CDS1: variants seen among roughly 807,000 people sequenced by gnomAD.
CDS1 encodes phosphatidate cytidylyltransferase 1.
CDS1 carries 41 observed loss-of-function variants against 62.1 expected under a neutral mutation model. That is an observed-to-expected ratio of 0.66 (90% CI 0.51 to 0.86). CDS1 has a LOEUF of 0.86. Among genes scored for constraint, CDS1 ranks in the 40% least tolerant of loss-of-function variants. The pLI is 0.00. For missense variants in CDS1, 470 were observed against 550.1 expected, an observed-to-expected ratio of 0.85 and a Z score of 1.46; for synonymous variants, 185 against 192.6, an observed-to-expected ratio of 0.96 and a Z score of 0.32.
At chr4:84,625,673 T>C (rs17376090) in intron 5 of CDS1, among the ~76,000 whole-genome samples, 5,617 of 152,016 alleles carry the variant, frequency 0.037, 116 homozygotes, top group South Asian at 0.052. Context: ...CTGTATGTCA[T>C]GGGAAAGGTT....
rs1000549971 is a variant in CDS1 at position 84,640,404 on chromosome 4, C to T, written c.880-434C>T. 5.3e-5 allele frequency among the ~76,000 whole-genome samples: 8 copies of T among 151,820 alleles called. No individual in the cohort carries two copies. The East Asian group carries it at 1.4e-3, about 26-fold the overall frequency. On this transcript the variant is annotated intron_variant, in intron 9 of 12. Coordinates refer to ENST00000295887, the MANE Select transcript of CDS1 (RefSeq NM_001263.4). ...AGTTTTAAAAATTGCAATGGTGTGG[C>T]CAGGGAAAGAATAATTTAGTCAAAG... is the stretch of plus-strand genomic sequence containing the variant.
rs928464126 is a variant in CDS1 at position 84,586,636 on chromosome 4, G to A, written c.117+3118G>A. On this transcript the variant is annotated intron_variant, in intron 1 of 12. Transcript: ENST00000295887. Reference sequence around the variant, plus strand: ...CTGCTCTGCAGCCGGGTTCCCAACAGGCCCAGTTCCTAACAGGCCGGTACT... The same window carrying A: ...CTGCTCTGCAGCCGGGTTCCCAACAAGCCCAGTTCCTAACAGGCCGGTACT... Among the ~76,000 whole-genome samples, 15 of 152,344 alleles carry A rather than the reference G, an allele frequency of 9.8e-5. No homozygotes were observed. In the South Asian group the frequency reaches 1.2e-3, roughly 13 times the overall value.
At chr4:84,602,736 C>T (rs1478853491) in intron 1 of CDS1, among the ~76,000 whole-genome samples, 1 of 152,128 alleles carries the variant, frequency 6.6e-6, no homozygotes, top group African/African-American at 2.4e-5. Flanking sequence ...TTCTAGATGT[C>T]CAAGCTCTGT....
chr4:84,602,419 A>C (rs1722965195), intron 1 of CDS1, among the ~76,000 whole-genome samples: 1 of 152,182 alleles, frequency 6.6e-6, no homozygotes, highest in African/African-American at 2.4e-5. Flanking sequence ...TGAGGAGCAC[A>C]ATTTGAATGC....
At chr4:84,610,373 G>A (rs1723281043) in intron 3 of CDS1, among the ~76,000 whole-genome samples, 1 of 152,266 alleles carries the variant, frequency 6.6e-6, no homozygotes, top group South Asian at 2.1e-4. Flanking sequence ...ACATGTAGAG[G>A]GTGTCTATAT....
chr4:84,619,281 C>A, intron 4 of CDS1, 113 bp from the exon 5 acceptor site: 1 of 506,796 alleles, frequency 2.0e-6, no homozygotes, highest in Non-Finnish European at 3.3e-6. Context: ...TTGAATTGGT[C>A]TTCTGAACTT....
chr4:84,599,424 A>G (rs1295341890), intron 1 of CDS1, among the ~76,000 whole-genome samples: 2 of 20,626 alleles, frequency 9.7e-5, no homozygotes, highest in Non-Finnish European at 1.2e-4. Context: ...ATATATATAT[A>G]TATATATATA....
At chr4:84,639,661 C>G (rs182846589) in intron 9 of CDS1, among the ~76,000 whole-genome samples, 9 of 152,172 alleles carry the variant, frequency 5.9e-5, no homozygotes, top group Admixed American at 1.3e-4. Context: ...TTTACTTTTC[C>G]TAGTTTCTGA....
intron 3 of CDS1, among the ~76,000 whole-genome samples, chr4:84,610,771 T>C (rs1383817672): frequency 1.3e-5 from 2 of 152,112 alleles, no homozygotes; most frequent in African/African-American, 4.8e-5. Flanking sequence ...CGGTATTCAG[T>C]AAAGTAACAT....
intron 1 of CDS1, among the ~76,000 whole-genome samples, chr4:84,597,569 G>A (rs1053400775): frequency 5.3e-5 from 8 of 152,108 alleles, no homozygotes; most frequent in African/African-American, 1.7e-4. Flanking sequence ...AGCCTGGGAC[G>A]GTGAGGCTGT....
intron 5 of CDS1, among the ~76,000 whole-genome samples, chr4:84,622,664 C>G (rs1195141155): frequency 6.6e-6 from 1 of 152,136 alleles, no homozygotes; most frequent in African/African-American, 2.4e-5. Flanking sequence ...TCATTAATAT[C>G]TGCACATTAG....
intron 3 of CDS1, among the ~76,000 whole-genome samples, chr4:84,610,023 A>G (rs1723269039): frequency 3.3e-5 from 5 of 152,200 alleles, no homozygotes; most frequent in Admixed American, 6.5e-5. Flanking sequence ...AAAAAAAAAA[A>G]TGACAGAAAT....
At chr4:84,625,183 C>T (rs914108823) in intron 5 of CDS1, among the ~76,000 whole-genome samples, 1 of 152,058 alleles carries the variant, frequency 6.6e-6, no homozygotes, top group African/African-American at 2.4e-5. Context: ...ATTTTTCTAA[C>T]CGTATACTTA....
At chr4:84,645,108 C>T (rs1229739694) in intron 11 of CDS1, 114 bp from the exon 12 acceptor site, 1 of 681,498 alleles carries the variant, frequency 1.5e-6, no homozygotes, top group South Asian at 1.7e-5. Flanking sequence ...GAAAAAAATC[C>T]AATAGTAATG....
In CDS1 at chr4:84,637,316, A is replaced by G. The variant is rs544377257; in HGVS notation, c.811-1608A>G. Among the ~76,000 whole-genome samples the G allele has an allele frequency of 3.9e-4, 60 of 152,266 alleles. 1 individual carries two copies. The highest frequency in any genetic ancestry group is 1.4e-3 in the African/African-American group (57 of 41,534). ...TATTAGTTCATTCTCACACTGCTAT[A>G]AAGAAATGCCAGAGCTTTAATTGGC... On this transcript the variant is annotated intron_variant, in intron 8 of 12. Coordinates refer to ENST00000295887, the MANE Select transcript of CDS1 (RefSeq NM_001263.4).
chr4:84,593,421 A>G (rs1420677377), intron 1 of CDS1, among the ~76,000 whole-genome samples: 1 of 152,164 alleles, frequency 6.6e-6, no homozygotes, highest in Non-Finnish European at 1.5e-5. Flanking sequence ...TTTGAGCTCA[A>G]AGCTTGAGGA....
intron 1 of CDS1, among the ~76,000 whole-genome samples, chr4:84,593,878 A>C (rs1722668892): frequency 1.3e-5 from 2 of 152,176 alleles, no homozygotes; most frequent in Admixed American, 1.3e-4. Context: ...AAAATAAACT[A>C]TTGATTGGCT....
chr4:84,635,255 T>TTA lies in CDS1; in HGVS notation c.723-9_723-8insTA. On this transcript the variant is annotated splice_polypyrimidine_tract_variant and intron_variant, in intron 7 of 12. Transcript: ENST00000295887. ...TTCTGCTGACTTTTTTTTTTTTTTT[T>TTA]AAAAACAGGTTCCTTGTTCCAATAT... 6.9e-6 allele frequency: 9 copies of TTA among 1,301,588 alleles called. No individual in the cohort carries two copies. Among genetic ancestry groups the TTA allele is most frequent in the South Asian group, 1.3e-5 (1 of 76,500 alleles). The allele number at this position is 1,301,588 out of a possible 1,614,324, so 80.6% of individuals were successfully genotyped here.
In CDS1 at chr4:84,584,690, C is replaced by T. The variant is rs1418466935; in HGVS notation, c.117+1172C>T. 3.9e-5 allele frequency among the ~76,000 whole-genome samples: 6 copies of T among 152,270 alleles called. No individual in the cohort carries two copies. In the East Asian group the frequency reaches 5.8e-4, roughly 15 times the overall value. ...ATATCACATGATATCACGAAATAAACGTAAACGTGATTCTTAGTACTAAAA... is the reference window on the plus strand; with the variant it reads ...ATATCACATGATATCACGAAATAAATGTAAACGTGATTCTTAGTACTAAAA... On this transcript the variant is annotated intron_variant, in intron 1 of 12. Coordinates refer to ENST00000295887, the MANE Select transcript of CDS1 (RefSeq NM_001263.4).
Sources: allele counts gnomAD v4.1 joint callset (sites outside exome capture counted in the v4.1 genomes callset), GRCh38; gene constraint gnomAD v4.1.1; transcripts MANE v1.5; gene names NCBI Gene and HGNC (gene_info 2026-07-23, HGNC 2026-07-21).